Variants in ERC2 observed in about 807,000 individuals in gnomAD.
ERC2 encodes ELKS/RAB6-interacting/CAST family member 2, also known as ERC protein 2.
Under a neutral mutation model 114.8 loss-of-function variants are expected in ERC2, and 42 were observed. The observed-to-expected ratio is 0.37, with a 90% CI of 0.29 to 0.47. The LOEUF is 0.47. Among genes scored for constraint, ERC2 ranks in the 20% least tolerant of loss-of-function variants. ERC2 has a pLI of 0.99. For synonymous variants in ERC2, 454 were observed against 425.5 expected (o/e 1.07, Z -0.82); for missense variants, 939 against 1,150.7 (o/e 0.82, Z 2.66).
chr3:55,610,060 C>CAAAAAAAAAAAAAAAAAAAAAAAAAAAAA (rs1172154104), intron 17 of ERC2, among the ~76,000 whole-genome samples: 1 of 50,432 alleles, frequency 2.0e-5, no homozygotes, highest in Non-Finnish European at 3.8e-5. Flanking sequence ...CAAACAAACA[C>CAAAAAAAAAAAAAAAAAAAAAAAAAAAAA]AAACAAAAAA....
At chr3:56,077,634 A>C (rs1343235566) in intron 7 of ERC2, among the ~76,000 whole-genome samples, 1 of 152,224 alleles carries the variant, frequency 6.6e-6, no homozygotes, top group African/African-American at 2.4e-5. Flanking sequence ...GAATGAGCGC[A>C]CTTAGTCTCA....
intron 2 of ERC2, among the ~76,000 whole-genome samples, chr3:56,395,228 T>A (rs2060263797): frequency 6.6e-6 from 1 of 152,158 alleles, no homozygotes; most frequent in South Asian, 2.1e-4. Flanking sequence ...ATCTCTTTAA[T>A]TATACTTTAA....
intron 17 of ERC2, among the ~76,000 whole-genome samples, chr3:55,514,972 A>G (rs2052385329): frequency 6.6e-6 from 1 of 152,212 alleles, no homozygotes. Flanking sequence ...TGCCAGGAAT[A>G]TAATAGTGAG....
chr3:56,465,960 G>C (rs774851319), intron 1 of ERC2, among the ~76,000 whole-genome samples: 1 of 152,214 alleles, frequency 6.6e-6, no homozygotes. Flanking sequence ...TCAAGGCCAC[G>C]GCCAAGGTCA....
chr3:55,635,770 A>G (rs1325298228), intron 17 of ERC2, among the ~76,000 whole-genome samples: 1 of 152,240 alleles, frequency 6.6e-6, no homozygotes, highest in Non-Finnish European at 1.5e-5. Context: ...ATCTCAACCC[A>G]GCAGAGGCTC....
chr3:55,708,420 TA>T (rs2063597480), intron 15 of ERC2, among the ~76,000 whole-genome samples: 1 of 152,222 alleles, frequency 6.6e-6, no homozygotes, highest in African/African-American at 2.4e-5. Context: ...TCTGTTTAAT[TA>T]AGTCGTGGGC....
intron 17 of ERC2, among the ~76,000 whole-genome samples, chr3:55,627,603 C>A (rs2148616125): frequency 6.6e-6 from 1 of 152,222 alleles, no homozygotes; most frequent in African/African-American, 2.4e-5. Context: ...AGAAGCTAGG[C>A]AAGATTAATG....
intron 2 of ERC2, among the ~76,000 whole-genome samples, chr3:56,427,556 T>C (rs1316701458): frequency 6.6e-6 from 1 of 152,216 alleles, no homozygotes; most frequent in Non-Finnish European, 1.5e-5. Flanking sequence ...TAACCTTCTC[T>C]GGAGATAGGG....
intron 6 of ERC2, among the ~76,000 whole-genome samples, chr3:56,082,561 A>G (rs1480169469): frequency 6.6e-6 from 1 of 152,204 alleles, no homozygotes; most frequent in East Asian, 1.9e-4. Context: ...ATTGTATGTC[A>G]AAGCCAGGGT....
intron 2 of ERC2, among the ~76,000 whole-genome samples, chr3:56,341,015 G>T (rs1359644474): frequency 6.6e-6 from 1 of 152,180 alleles, no homozygotes; most frequent in African/African-American, 2.4e-5. Context: ...TTAGCTCACT[G>T]AATGGTACCC....
intron 17 of ERC2, among the ~76,000 whole-genome samples, chr3:55,594,403 T>G (rs2107616789): frequency 6.6e-6 from 1 of 152,292 alleles, no homozygotes; most frequent in East Asian, 1.9e-4. Context: ...AACAGAATTT[T>G]GCTAAGAAAG....
At chr3:55,813,719 T>C (rs1028693251) in intron 14 of ERC2, among the ~76,000 whole-genome samples, 2 of 152,232 alleles carry the variant, frequency 1.3e-5, no homozygotes, top group African/African-American at 4.8e-5. Context: ...ATGTTCAGCA[T>C]GTGTAAATAG....
At chr3:55,691,090 C>G (rs1337850671) in intron 16 of ERC2, among the ~76,000 whole-genome samples, 2 of 152,194 alleles carry the variant, frequency 1.3e-5, no homozygotes, top group East Asian at 3.8e-4. Flanking sequence ...AGCTTCTGCT[C>G]TTAAAAACAA....
intron 2 of ERC2, among the ~76,000 whole-genome samples, chr3:56,404,106 T>C (rs2060621209): frequency 6.6e-6 from 1 of 152,224 alleles, no homozygotes; most frequent in African/African-American, 2.4e-5. Context: ...TGGGGGTCTT[T>C]AAGTTTTACA....
Position 56,197,247 on chromosome 3 carries a change from T to C in ERC2, c.1075-23727A>G, listed in dbSNP as rs2048163165. 3.9e-5 allele frequency among the ~76,000 whole-genome samples: 6 copies of C among 152,192 alleles called. No individual in the cohort carries two copies. In the South Asian group the frequency reaches 1.2e-3, roughly 32 times the overall value. ...TAACTTGGCCTCTCTGTGTCTCAGCTTCAGTATCTGTAAAATGGGAATGGT... is the reference window on the plus strand; with the variant it reads ...TAACTTGGCCTCTCTGTGTCTCAGCCTCAGTATCTGTAAAATGGGAATGGT... On this transcript the variant is annotated intron_variant, in intron 3 of 17. Coordinates refer to ENST00000288221, the MANE Select transcript of ERC2 (RefSeq NM_015576.3).
chr3:55,902,694 C>G (rs2064203011), intron 13 of ERC2, among the ~76,000 whole-genome samples: 1 of 152,198 alleles, frequency 6.6e-6, no homozygotes, highest in Non-Finnish European at 1.5e-5. Flanking sequence ...GCTCAGCATC[C>G]TCTTTGTACC....
At chr3:55,757,639 A>G (rs1293974971) in intron 14 of ERC2, among the ~76,000 whole-genome samples, 1 of 152,166 alleles carries the variant, frequency 6.6e-6, no homozygotes, top group Non-Finnish European at 1.5e-5. Context: ...TACTATATAT[A>G]AAGAGCTTAA....
chr3:55,657,818 C>T (rs1054905543), intron 17 of ERC2: 7 of 152,070 alleles, frequency 4.6e-5, no homozygotes, highest in African/African-American at 9.7e-5. Flanking sequence ...GTGTAGATAA[C>T]AATTTTTAAT....
At chr3:56,325,459 A>G (rs2057318692) in intron 2 of ERC2, among the ~76,000 whole-genome samples, 1 of 152,164 alleles carries the variant, frequency 6.6e-6, no homozygotes, top group Non-Finnish European at 1.5e-5. Context: ...AAAATAAAAA[A>G]AAAACACTAT....
Sources: allele counts gnomAD v4.1 joint callset (sites outside exome capture counted in the v4.1 genomes callset), GRCh38; gene constraint gnomAD v4.1.1; transcripts MANE v1.5; gene names NCBI Gene and HGNC (gene_info 2026-07-23, HGNC 2026-07-21).